The following RNF144A variants were observed in gnomAD, a reference collection of about 807,000 sequenced individuals.
RNF144A encodes ring finger protein 144A, also known as E3 ubiquitin-protein ligase RNF144A.
RNF144A carries 11 observed loss-of-function variants against 38.7 expected under a neutral mutation model. The observed-to-expected ratio is 0.28, with a 90% CI of 0.18 to 0.47. The LOEUF (loss-of-function observed/expected upper bound fraction) is 0.47. Among genes scored for constraint, RNF144A ranks in the 20% least tolerant of loss-of-function variants. The probability of loss-of-function intolerance (pLI) is 0.99; values close to 1 mark genes in which losing one functional copy is unlikely to be tolerated. For missense variants in RNF144A, 316 were observed against 377.2 expected, an observed-to-expected ratio of 0.84 and a Z score of 1.34; for synonymous variants, 149 against 143.9, an observed-to-expected ratio of 1.04 and a Z score of -0.25.
intron 2 of RNF144A, among the ~76,000 whole-genome samples, chr2:6,971,511 G>A (rs1400965130): frequency 6.6e-6 from 1 of 152,240 alleles, no homozygotes; most frequent in African/African-American, 2.4e-5. Context: ...CTGGTAGAGA[G>A]CATGCTGCAG....
intron 8 of RNF144A, among the ~76,000 whole-genome samples, chr2:7,037,801 C>G (rs1672776725): frequency 6.6e-6 from 1 of 152,190 alleles, no homozygotes; most frequent in Non-Finnish European, 1.5e-5. Flanking sequence ...CCGTAAAGAT[C>G]TTTTACTTCA....
intron 6 of RNF144A, among the ~76,000 whole-genome samples, chr2:7,065,265 G>A (rs1182460860): frequency 2.0e-5 from 3 of 152,162 alleles, no homozygotes; most frequent in Non-Finnish European, 4.4e-5. Context: ...CCAAATTCCT[G>A]GAGAAAAACT....
chr2:7,033,404 G>A (rs1225843878), intron 8 of RNF144A, among the ~76,000 whole-genome samples: 1 of 152,218 alleles, frequency 6.6e-6, no homozygotes, highest in African/African-American at 2.4e-5. Context: ...GCTGCCAAAG[G>A]CCCACTGGTC....
chr2:7,075,914 G>T, the RNF144A span, among the ~76,000 whole-genome samples: 8 of 152,274 alleles, frequency 5.3e-5, no homozygotes, highest in East Asian at 1.4e-3. Context: ...GCCATTACTG[G>T]TTCACCCTGT....
At chr2:6,932,374 C>G (rs182189546) in intron 1 of RNF144A, among the ~76,000 whole-genome samples, 4 of 152,328 alleles carry the variant, frequency 2.6e-5, no homozygotes, top group African/African-American at 9.6e-5. Context: ...CCCTGAATAT[C>G]TGTACCTTTT....
intron 2 of RNF144A, among the ~76,000 whole-genome samples, chr2:6,981,878 A>G (rs575443778): frequency 6.6e-6 from 1 of 152,328 alleles, no homozygotes; most frequent in East Asian, 1.9e-4. Context: ...ATTTATGAAG[A>G]AAAAAGATTT....
intron 1 of RNF144A, among the ~76,000 whole-genome samples, chr2:6,940,073 G>C (rs1435318103): frequency 2.0e-5 from 3 of 151,990 alleles, no homozygotes; most frequent in African/African-American, 7.3e-5. Flanking sequence ...GGATCAGCTT[G>C]TCAATTTTTA....
downstream of RNF144A, among the ~76,000 whole-genome samples, chr2:7,048,884 G>T (rs1246608620): frequency 1.3e-5 from 2 of 152,238 alleles, no homozygotes; most frequent in Non-Finnish European, 2.9e-5. Flanking sequence ...AAACACAGCT[G>T]TCTTGGGTGC....
chr2:7,023,010 G>A (rs451763), intron 6 of RNF144A, among the ~76,000 whole-genome samples: 41,314 of 152,106 alleles, frequency 0.27, 6,657 homozygotes, highest in Admixed American at 0.35. Flanking sequence ...TGGATTTTGT[G>A]CTTAACATGT....
chr2:6,935,395 C>A (rs1665503309), intron 1 of RNF144A, among the ~76,000 whole-genome samples: 1 of 152,228 alleles, frequency 6.6e-6, no homozygotes, highest in Non-Finnish European at 1.5e-5. Flanking sequence ...CCTCTCCTTG[C>A]AGCTCCCCGT....
intron 3 of RNF144A, among the ~76,000 whole-genome samples, chr2:6,998,788 C>T (rs1158243279): frequency 6.6e-6 from 1 of 151,508 alleles, no homozygotes; most frequent in East Asian, 2.0e-4. Context: ...TAGAACCCGT[C>T]AAGATGGATT....
rs1169643195 is a variant in RNF144A at position 6,958,367 on chromosome 2, AC to A, written c.-12+17223del. On this transcript the variant is annotated intron_variant, in intron 2 of 8. Coordinates refer to ENST00000320892, the MANE Select transcript of RNF144A (RefSeq NM_014746.6). This position sits in a 1 kb window ranked among gnomAD's most constrained non-coding sequence, Gnocchi z 4.5. ...AGCCTTCCTTGCTTTCCTCCCCGAC[AC>A]CCAGGTGACCACCCAGTTTGGGAGG... 2.0e-5 allele frequency among the ~76,000 whole-genome samples: 3 copies of A among 152,202 alleles called. No homozygotes were observed. Among genetic ancestry groups the A allele is most frequent in the South Asian group, 4.1e-4 (2 of 4,824 alleles).
chr2:7,008,846 C>T (rs1431152201), intron 3 of RNF144A, among the ~76,000 whole-genome samples: 1 of 152,216 alleles, frequency 6.6e-6, no homozygotes, highest in South Asian at 2.1e-4. Context: ...ACCCCAGGTC[C>T]CTGCATGCCA....
chr2:6,942,624 T>C (rs913207219), intron 2 of RNF144A, among the ~76,000 whole-genome samples: 3 of 152,120 alleles, frequency 2.0e-5, no homozygotes, highest in African/African-American at 7.2e-5. Context: ...TTAGTTTGAG[T>C]AACTAGGTGG....
intron 2 of RNF144A, among the ~76,000 whole-genome samples, chr2:6,959,986 G>C (rs952821043): frequency 7.2e-5 from 11 of 152,218 alleles, no homozygotes; most frequent in Non-Finnish European, 1.3e-4. Flanking sequence ...AGATCATACA[G>C]TGCTGCTCCA....
At chr2:6,935,358 T>C (rs1191161085) in intron 1 of RNF144A, among the ~76,000 whole-genome samples, 1 of 152,230 alleles carries the variant, frequency 6.6e-6, no homozygotes, top group African/African-American at 2.4e-5. Context: ...AATCTGGACA[T>C]CTAGCATCCC....
chr2:7,063,850 A>G (rs1473023014), intron 6 of RNF144A, among the ~76,000 whole-genome samples: 1 of 152,238 alleles, frequency 6.6e-6, no homozygotes, highest in Non-Finnish European at 1.5e-5. Context: ...TGCTTCATAA[A>G]ATATGCCTTA....
chr2:7,031,457 A>T (rs973118312), intron 8 of RNF144A, among the ~76,000 whole-genome samples: 4 of 152,210 alleles, frequency 2.6e-5, no homozygotes, highest in African/African-American at 7.2e-5. Context: ...GATGGCAGGG[A>T]CAGACCCTTT....
At chr2:6,960,535 A>G (rs977030034) in intron 2 of RNF144A, among the ~76,000 whole-genome samples, 2 of 152,234 alleles carry the variant, frequency 1.3e-5, no homozygotes, top group Non-Finnish European at 2.9e-5. Context: ...CCGGGGAAGT[A>G]TAACACCATC....
Sources: allele counts gnomAD v4.1 joint callset (sites outside exome capture counted in the v4.1 genomes callset), GRCh38; gene constraint gnomAD v4.1.1; non-coding constraint Gnocchi (gnomAD v3.1); transcripts MANE v1.5; gene names NCBI Gene and HGNC (gene_info 2026-07-23, HGNC 2026-07-21).